Variants in EPHA4 observed in about 807,000 individuals in gnomAD.
EPHA4 encodes EPH receptor A4, also known as ephrin type-A receptor 4.
A neutral mutation model predicts 108.3 loss-of-function variants in EPHA4; 19 were observed. The observed-to-expected ratio is 0.18, with a 90% confidence interval of 0.12 to 0.26. EPHA4 has a LOEUF of 0.26. EPHA4 is among the 10% of genes least tolerant of loss of function. The pLI, the probability that EPHA4 is intolerant of heterozygous loss-of-function variation, is 1.00. For synonymous variants in EPHA4, 449 were observed against 455.5 expected, an observed-to-expected ratio of 0.99 and a Z score of 0.18; for missense variants, 917 against 1,254.0, an observed-to-expected ratio of 0.73 and a Z score of 4.06.
chr2:221,498,866 A>G (rs1235778350), intron 4 of EPHA4, among the ~76,000 whole-genome samples: 2 of 144,660 alleles, frequency 1.4e-5, no homozygotes, highest in Admixed American at 7.3e-5. Context: ...ATCTCGGCTC[A>G]CTGCAACCTC....
rs534793776 is a variant in EPHA4, at chr2:221,556,026, G to A, written c.823+7705C>T. Among the ~76,000 whole-genome samples, 49 of 152,296 alleles carry A rather than the reference G, an allele frequency of 3.2e-4. No individual in the cohort carries two copies. In the South Asian group the frequency reaches 9.9e-3, roughly 31 times the overall value. On this transcript the variant is annotated intron_variant, in intron 3 of 17. Coordinates refer to ENST00000281821, the MANE Select transcript of EPHA4 (RefSeq NM_004438.5). ...AAGAAACTGAAAAGTGATGGACTAG[G>A]TGCAGTAGTTCTCAACATTTTCGGC...
intron 4 of EPHA4, among the ~76,000 whole-genome samples, chr2:221,487,380 A>C (rs1692010384): frequency 6.6e-6 from 1 of 152,226 alleles, no homozygotes; most frequent in South Asian, 2.1e-4. Context: ...ACGGCTGGGA[A>C]TTTGAAATGT....
intron 3 of EPHA4, among the ~76,000 whole-genome samples, chr2:221,513,967 G>A (rs1692912720): frequency 6.6e-6 from 1 of 152,106 alleles, no homozygotes; most frequent in Non-Finnish European, 1.5e-5. Flanking sequence ...CCCAGGGATG[G>A]TAGCAAAGAT....
At chr2:221,431,125 A>G (rs898464593) in intron 14 of EPHA4, among the ~76,000 whole-genome samples, 1 of 152,242 alleles carries the variant, frequency 6.6e-6, no homozygotes, top group Admixed American at 6.5e-5. Context: ...ATAGAGGAGA[A>G]CTACTTCACA....
At chr2:221,477,509 G>C (rs1264767393) in intron 5 of EPHA4, among the ~76,000 whole-genome samples, 1 of 152,184 alleles carries the variant, frequency 6.6e-6, no homozygotes, top group Non-Finnish European at 1.5e-5. Context: ...CTACCCACTA[G>C]ATGCAACTGC....
At chr2:221,503,750 C>A (rs751685350) in intron 3 of EPHA4, among the ~76,000 whole-genome samples, 3 of 152,166 alleles carry the variant, frequency 2.0e-5, no homozygotes, top group Non-Finnish European at 4.4e-5. Flanking sequence ...GCCTTGCTAC[C>A]CTTAACACCT....
rs188379183 is a variant in EPHA4, at chr2:221,429,940, T to C, written c.2690+18A>G. On this transcript the variant is annotated intron_variant, in intron 15 of 17. Coordinates refer to ENST00000281821, the MANE Select transcript of EPHA4 (RefSeq NM_004438.5). Reference sequence around the variant, plus strand: ...AATGTGTTCTTTCATACATCACTATTAAGTAAGCATGGCTGACCTGGAGCT... The same window carrying C: ...AATGTGTTCTTTCATACATCACTATCAAGTAAGCATGGCTGACCTGGAGCT... 56 of 1,613,098 alleles carry C rather than the reference T, an allele frequency of 3.5e-5. No individual in the cohort carries two copies. In the Admixed American group the frequency reaches 9.3e-4, roughly 27 times the overall value.
chr2:221,508,656 C>G (rs1184994743), intron 3 of EPHA4, among the ~76,000 whole-genome samples: 1 of 151,592 alleles, frequency 6.6e-6, no homozygotes, highest in Non-Finnish European at 1.5e-5. Context: ...TAAATTATTT[C>G]TCAAACCAGT....
At chr2:221,434,869 G>A (rs1208341145) in intron 13 of EPHA4, among the ~76,000 whole-genome samples, 1 of 148,614 alleles carries the variant, frequency 6.7e-6, no homozygotes, top group Non-Finnish European at 1.5e-5. Flanking sequence ...CTTTAATGGA[G>A]TAAGGGCAGG....
chr2:221,559,744 C>A (rs930991784), intron 3 of EPHA4, among the ~76,000 whole-genome samples: 15 of 152,096 alleles, frequency 9.9e-5, no homozygotes, highest in African/African-American at 3.6e-4. Context: ...TCTGATGTGG[C>A]CTGGAAGCAG....
At chr2:221,422,966 A>C (rs1689798199) in intron 17 of EPHA4, among the ~76,000 whole-genome samples, 1 of 152,182 alleles carries the variant, frequency 6.6e-6, no homozygotes, top group Admixed American at 6.5e-5. Flanking sequence ...ATTTACCTCC[A>C]AACTCTCATA....
chr2:221,482,229 T>C, intron 5 of EPHA4, 123 bp downstream of exon 5: 1 of 1,057,580 alleles, frequency 9.5e-7, no homozygotes, highest in South Asian at 1.9e-5. Flanking sequence ...TCTTTTACAT[T>C]ATAACGCAGC....
At chr2:221,477,118 A>T (rs1415993655) in intron 5 of EPHA4, among the ~76,000 whole-genome samples, 2 of 152,110 alleles carry the variant, frequency 1.3e-5, no homozygotes, top group African/African-American at 4.8e-5. Context: ...GAACAAGGTC[A>T]GCCTAACAAG....
At chr2:221,547,144 C>A (rs1300225890) in intron 3 of EPHA4, among the ~76,000 whole-genome samples, 1 of 152,142 alleles carries the variant, frequency 6.6e-6, no homozygotes, top group East Asian at 1.9e-4. Context: ...TTTCCCTTTT[C>A]TTCTTATTAC....
chr2:221,548,318 C>T (rs1230577225), intron 3 of EPHA4, among the ~76,000 whole-genome samples: 3 of 151,828 alleles, frequency 2.0e-5, no homozygotes, highest in East Asian at 3.9e-4. Flanking sequence ...GATCACAGAT[C>T]GCACCACTGC....
chr2:221,431,652 C>G (rs1574556405), intron 14 of EPHA4, among the ~76,000 whole-genome samples: 1 of 152,246 alleles, frequency 6.6e-6, no homozygotes, highest in East Asian at 1.9e-4. Flanking sequence ...ATCGTGTTGA[C>G]TCTAGACTTG....
At chr2:221,513,643 T>TA (rs879875008) in intron 3 of EPHA4, among the ~76,000 whole-genome samples, 14 of 152,056 alleles carry the variant, frequency 9.2e-5, no homozygotes, top group Non-Finnish European at 2.1e-4. Context: ...GGGTCACCTT[T>TA]AAAAAAAATG....
intron 3 of EPHA4, among the ~76,000 whole-genome samples, chr2:221,541,081 G>T (rs1237232215): frequency 6.6e-6 from 1 of 151,840 alleles, no homozygotes; most frequent in Non-Finnish European, 1.5e-5. Context: ...TGAGTAGCTG[G>T]GACCACAGGT....
At chr2:221,525,347 G>T (rs1003915790) in intron 3 of EPHA4, among the ~76,000 whole-genome samples, 5 of 152,194 alleles carry the variant, frequency 3.3e-5, no homozygotes, top group Admixed American at 3.3e-4. Context: ...TCGTGGTCTG[G>T]ATAGTAGAGC....
Sources: gnomAD v4.1 joint callset for allele counts (sites outside exome capture counted in the v4.1 genomes callset) on GRCh38, gnomAD v4.1.1 for gene constraint, MANE v1.5 for transcripts, NCBI Gene and HGNC (gene_info 2026-07-23, HGNC 2026-07-21) for gene names.